KYNU: variants seen among roughly 807,000 people sequenced by gnomAD.
KYNU encodes the protein kynureninase.
In KYNU, 54 loss-of-function variants were observed where a neutral mutation model predicts 59.2. That is an observed-to-expected ratio of 0.91 (90% CI 0.73 to 1.14). KYNU has a LOEUF of 1.14. Among genes scored for constraint, KYNU ranks in the 50% most tolerant of loss-of-function variants. The pLI is 0.00. For missense variants in KYNU, 567 were observed against 554.4 expected (o/e 1.02, Z -0.23); for synonymous variants, 177 against 192.0 (o/e 0.92, Z 0.65).
intron 10 of KYNU, among the ~76,000 whole-genome samples, chr2:143,012,389 A>G (rs1444702082): frequency 2.0e-5 from 3 of 151,808 alleles, no homozygotes; most frequent in Non-Finnish European, 4.4e-5. Context: ...AGGCTGAGGC[A>G]GGAGAATGGC....
At chr2:142,923,580 T>G (rs1223423908) in intron 3 of KYNU, among the ~76,000 whole-genome samples, 1 of 152,222 alleles carries the variant, frequency 6.6e-6, no homozygotes, top group Non-Finnish European at 1.5e-5. Flanking sequence ...ACCTGGATTA[T>G]TTAATGAAGA....
At chr2:142,930,291 T>C (rs1294522151) in intron 4 of KYNU, among the ~76,000 whole-genome samples, 2 of 152,104 alleles carry the variant, frequency 1.3e-5, no homozygotes, top group East Asian at 1.9e-4. Context: ...AAAAAGAAGA[T>C]TTGTTGAAAT....
Position 143,048,175 on chromosome 2 carries a change from C to T in KYNU, c.*6003C>T, listed in dbSNP as rs1687199389. 1 of 151,922 alleles carries T rather than the reference C, an allele frequency of 6.6e-6. No homozygotes were observed. The highest frequency in any genetic ancestry group is 2.4e-5 in the African/African-American group (1 of 41,346). The allele number at this position is 151,922 out of a possible 1,614,324, so 9.4% of individuals were successfully genotyped here. A position where few individuals can be genotyped will look rare whatever the true frequency, so the allele number is the denominator to read the frequency against. On this transcript the variant is annotated 3_prime_UTR_variant, in exon 14 of 14. Transcript: ENST00000264170. ...TTCTTTTTGATTTTTATTTATTTTC[C>T]TCTGTTTTTCTTCTTTTGGATTTAG...
intron 8 of KYNU, among the ~76,000 whole-genome samples, chr2:142,965,411 T>G (rs1280446543): frequency 2.6e-5 from 4 of 152,158 alleles, no homozygotes; most frequent in Non-Finnish European, 5.9e-5. Flanking sequence ...GGGTGAAAAA[T>G]GCAGATTTCT....
intron 10 of KYNU, among the ~76,000 whole-genome samples, chr2:143,015,348 A>G (rs1288810159): frequency 9.2e-5 from 14 of 152,290 alleles, no homozygotes; most frequent in Admixed American, 7.9e-4. Flanking sequence ...TGGGGAAACC[A>G]AATTACCTAT....
chr2:143,032,535 A>G (rs1426865766), intron 11 of KYNU, among the ~76,000 whole-genome samples: 2 of 152,216 alleles, frequency 1.3e-5, no homozygotes, highest in African/African-American at 4.8e-5. Flanking sequence ...AAAGTCATCA[A>G]GTTTTAACAT....
chr2:143,035,498 A>C (rs1266874863), intron 12 of KYNU, among the ~76,000 whole-genome samples: 2 of 152,224 alleles, frequency 1.3e-5, no homozygotes, highest in African/African-American at 4.8e-5. Flanking sequence ...TCTCTGTTAA[A>C]ATGTCTTATT....
At chr2:143,038,781 T>C (rs1038787457) in intron 12 of KYNU, among the ~76,000 whole-genome samples, 16 of 152,120 alleles carry the variant, frequency 1.1e-4, no homozygotes, top group African/African-American at 3.9e-4. Context: ...GTTTGAGTTT[T>C]ATTAGAGTGC....
chr2:143,021,914 C>A (rs538662761), intron 10 of KYNU, among the ~76,000 whole-genome samples: 1 of 152,072 alleles, frequency 6.6e-6, no homozygotes, highest in Non-Finnish European at 1.5e-5. Flanking sequence ...TTTTATTGTT[C>A]AGGAATGCAG....
chr2:142,916,037 C>T (rs1212468111), intron 2 of KYNU, among the ~76,000 whole-genome samples: 2 of 152,062 alleles, frequency 1.3e-5, no homozygotes, highest in African/African-American at 4.8e-5. Flanking sequence ...AGGCCTAGAA[C>T]ATATTCTTCC....
At chr2:142,991,876 A>C (rs1044718924) in intron 10 of KYNU, among the ~76,000 whole-genome samples, 1 of 151,890 alleles carries the variant, frequency 6.6e-6, no homozygotes, top group African/African-American at 2.4e-5. Flanking sequence ...GCAAATTGCA[A>C]GAGTTTGTCA....
At chr2:142,895,324 T>G (rs1186492772) in intron 2 of KYNU, among the ~76,000 whole-genome samples, 1 of 152,216 alleles carries the variant, frequency 6.6e-6, no homozygotes, top group Non-Finnish European at 1.5e-5. Context: ...TGATAACCAC[T>G]AATCTATTTT....
chr2:142,906,372 A>G (rs1424398049), intron 2 of KYNU, among the ~76,000 whole-genome samples: 1 of 152,206 alleles, frequency 6.6e-6, no homozygotes, highest in Non-Finnish European at 1.5e-5. Flanking sequence ...GATGCTGGGT[A>G]GAAATTAGGG....
rs866177463 is a variant in KYNU at position 143,011,821 on chromosome 2, C to T, written c.903-17806C>T. On this transcript the variant is annotated intron_variant, in intron 10 of 13. Transcript: ENST00000264170. ...AGTAAACTATCACAAGAACAAAAAA[C>T]CAAACACCGCATATTCTCACTCATA... Among the ~76,000 whole-genome samples, 1,067 of 129,742 alleles carry T rather than the reference C, an allele frequency of 8.2e-3. 5 individuals carry two copies. Among genetic ancestry groups the T allele is most frequent in the Middle Eastern group, 0.025 (7 of 284 alleles). The allele number at this position is 129,742 out of a possible 152,430, so 85.1% of individuals were successfully genotyped here.
rs1231506159 is a variant in KYNU at position 143,054,154 on chromosome 2, C to T, written c.*11982C>T. Reference sequence around the variant, plus strand: ...ATTGTTTCAGTATTTTGAAATTTTTCATTTAATTTTTATAAATTTTCTTTT... The same window carrying T: ...ATTGTTTCAGTATTTTGAAATTTTTTATTTAATTTTTATAAATTTTCTTTT... On this transcript the variant is annotated 3_prime_UTR_variant, in exon 14 of 14. Transcript: ENST00000264170. 1 of 152,068 alleles carries T rather than the reference C, an allele frequency of 6.6e-6. No individual in the cohort carries two copies. The highest frequency in any genetic ancestry group is 1.5e-5 in the Non-Finnish European group (1 of 67,996). 9.4% of individuals were successfully genotyped at this position (152,068 alleles called of 1,614,324 possible).
intron 4 of KYNU, chr2:142,948,153 A>G (rs936414678): frequency 1.3e-4 from 20 of 152,250 alleles, no homozygotes; most frequent in Admixed American, 3.3e-4. Context: ...CCTGGCTCCT[A>G]TGCTATGTAC....
intron 10 of KYNU, among the ~76,000 whole-genome samples, chr2:143,001,638 A>G (rs1685710861): frequency 6.6e-6 from 1 of 151,926 alleles, no homozygotes; most frequent in African/African-American, 2.4e-5. Context: ...CCCTCCTTCA[A>G]CTTTGTTCTG....
intron 2 of KYNU, 90 bp from the exon 3 acceptor site, chr2:142,918,519 G>A (rs351700): frequency 7.6e-7 from 1 of 1,316,984 alleles, no homozygotes; most frequent in Non-Finnish European, 1.0e-6. Context: ...TCTTAGAGTT[G>A]ATTGTATTAA....
chr2:143,019,782 G>A (rs1244776873), intron 10 of KYNU, among the ~76,000 whole-genome samples: 7 of 152,040 alleles, frequency 4.6e-5, no homozygotes, highest in East Asian at 1.9e-4. Context: ...AATCCATCAC[G>A]TCTTTGGATT....
Sources: gnomAD v4.1 joint callset for allele counts (sites outside exome capture counted in the v4.1 genomes callset) on GRCh38, gnomAD v4.1.1 for gene constraint, MANE v1.5 for transcripts, NCBI Gene and HGNC (gene_info 2026-07-23, HGNC 2026-07-21) for gene names.